Variants in ACSM3 observed in about 807,000 individuals in gnomAD.
ACSM3 encodes acyl-coenzyme A synthetase ACSM3, mitochondrial.
A neutral mutation model predicts 74.1 loss-of-function variants in ACSM3; 61 were observed. That is an observed-to-expected ratio of 0.82 (90% confidence interval 0.67 to 1.02). The LOEUF (loss-of-function observed/expected upper bound fraction) is 1.02. Ranked by LOEUF, ACSM3 falls within the 50% of genes least tolerant of loss-of-function variation. The pLI is 0.00. For synonymous variants in ACSM3, 213 were observed against 241.5 expected (o/e 0.88, Z 1.09); for missense variants, 660 against 697.0 (o/e 0.95, Z 0.60).
intron 12 of ACSM3, among the ~76,000 whole-genome samples, chr16:20,793,582 A>G (rs1259710670): frequency 6.6e-6 from 1 of 152,246 alleles, no homozygotes; most frequent in African/African-American, 2.4e-5. Context: ...CTTTGATGCC[A>G]GAAGATACCC....
intron 13 of ACSM3, 74 bp downstream of exon 13, chr16:20,796,563 T>C: frequency 6.3e-7 from 1 of 1,589,070 alleles, no homozygotes; most frequent in Non-Finnish European, 8.5e-7. Context: ...TACATTTTAA[T>C]GAATATTTTC....
chr16:20,705,373 A>C (rs1271880754), intron 1 of ACSM3, among the ~76,000 whole-genome samples: 1 of 116,778 alleles, frequency 8.6e-6, no homozygotes, highest in Non-Finnish European at 1.8e-5. Context: ...ACTCCGTCTC[A>C]GAAAAAAAAA....
intron 1 of ACSM3, among the ~76,000 whole-genome samples, chr16:20,691,778 T>C (rs2079655973): frequency 6.6e-6 from 1 of 150,910 alleles, no homozygotes; most frequent in Admixed American, 6.6e-5. Context: ...TGTGTGTGTG[T>C]GTGTGTGTGT....
intron 1 of ACSM3, chr16:20,735,121 T>C (rs1361611870): frequency 6.6e-6 from 1 of 152,038 alleles, no homozygotes; most frequent in Non-Finnish European, 1.5e-5. Context: ...TTAAGAAAAA[T>C]TTTTTTCCCC....
intron 1 of ACSM3, among the ~76,000 whole-genome samples, chr16:20,726,409 G>T (rs891422010): frequency 4.6e-5 from 7 of 152,234 alleles, no homozygotes; most frequent in Admixed American, 1.3e-4. Flanking sequence ...AAGAGGGAAA[G>T]TGCTATGCAA....
chr16:20,755,888 G>GT (rs1161878430), intron 3 of ACSM3, among the ~76,000 whole-genome samples: 2 of 147,882 alleles, frequency 1.4e-5, no homozygotes, highest in East Asian at 2.0e-4. Context: ...GCGGTGTTTG[G>GT]TTTTTTGTCC....
chr16:20,682,580 G>C, intron 1 of ACSM3: 4 of 714,670 alleles, frequency 5.6e-6, no homozygotes, highest in South Asian at 5.1e-5. Context: ...ACAGGCCACA[G>C]AACAACAGCA....
rs59655300 is a variant in ACSM3 at position 20,750,844 on chromosome 16, G to GTTTTTT, written c.-96+854_-96+859dup. Among the ~76,000 whole-genome samples the GTTTTTT allele has an allele frequency of 5.3e-3, 616 of 115,348 alleles. 51 individuals are homozygous for GTTTTTT. Among genetic ancestry groups the GTTTTTT allele is most frequent in the South Asian group, 0.026 (87 of 3,402 alleles). The allele number at this position is 115,348 out of a possible 152,430, so 75.7% of individuals were successfully genotyped here. On this transcript the variant is annotated intron_variant, in intron 2 of 3. Coordinates refer to the ACSM3 transcript ENST00000561584. ...GAGAGAATATAAGTTTTGGAGTCAG[G>GTTTTTT]TTTTTTTTTTTTTTTTTTGAAACGG...
chr16:20,717,008 A>C (rs1399597090), intron 1 of ACSM3, among the ~76,000 whole-genome samples: 1 of 152,228 alleles, frequency 6.6e-6, no homozygotes, highest in Non-Finnish European at 1.5e-5. Context: ...TATCTGACAA[A>C]TGAAAATACA....
upstream of ACSM3, among the ~76,000 whole-genome samples, chr16:20,760,152 A>G (rs115604270): frequency 4.6e-3 from 704 of 152,298 alleles, 5 homozygotes; most frequent in African/African-American, 0.016. Flanking sequence ...AAATGACTCT[A>G]GTACAGCATC....
intron 3 of ACSM3, among the ~76,000 whole-genome samples, chr16:20,776,544 A>G (rs1228074067): frequency 1.3e-5 from 2 of 152,334 alleles, no homozygotes; most frequent in East Asian, 1.9e-4. Flanking sequence ...AGGAAGATCT[A>G]TATATTTTTG....
At chr16:20,703,151 T>C (rs1411318032) in intron 1 of ACSM3, 2 of 152,222 alleles carry the variant, frequency 1.3e-5, no homozygotes, top group Non-Finnish European at 2.9e-5. Context: ...CTGAGGTCTC[T>C]GTTCTGTTCC....
At position 20,785,068 on chromosome 16, in the gene ACSM3, G is replaced by C. The variant is rs766197968; in HGVS notation, c.1104G>C (p.Thr368=). 1 of 1,613,562 alleles carries C rather than the reference G, an allele frequency of 6.2e-7. No homozygotes were observed. The highest frequency in any genetic ancestry group is 8.5e-7 in the Non-Finnish European group (1 of 1,179,704). Residue 368 remains threonine, a synonymous_variant, in exon 8 of 14, where the codon ACG becomes ACC. Transcript: ENST00000289416. ...PDVTEKWRNK[T]GLDIYEGYGQ... ...TGACTGAAAAATGGAGAAACAAGAC[G>C]GGCCTGGATATCTACGAAGGATATG...
upstream of ACSM3, among the ~76,000 whole-genome samples, chr16:20,761,722 A>T (rs1193798022): frequency 6.6e-6 from 1 of 152,196 alleles, no homozygotes; most frequent in Non-Finnish European, 1.5e-5. Flanking sequence ...CTCCTAAGAG[A>T]TAGAAAACAC....
intron 1 of ACSM3, among the ~76,000 whole-genome samples, chr16:20,743,218 G>A (rs1415098870): frequency 1.3e-5 from 2 of 152,186 alleles, no homozygotes; most frequent in African/African-American, 2.4e-5. Context: ...GATTACAGGC[G>A]TGAGCCACCG....
rs150421706 is a variant in ACSM3, at chr16:20,676,650, T to C, written c.-190+1828T>C. ...AGAGGCTTAACAAAGGCTAATTTAC[T>C]AGCAGCAGCCCTTATGGGAAGAGAA... On this transcript the variant is annotated intron_variant, in intron 1 of 3. Transcript: ENST00000561584. Among the ~76,000 whole-genome samples, 42 of 152,240 alleles carry C rather than the reference T, an allele frequency of 2.8e-4. 1 individual carries two copies. Among genetic ancestry groups the C allele is most frequent in the African/African-American group, 1.0e-3 (42 of 41,536 alleles).
chr16:20,710,847 G>A (rs186038379), intron 1 of ACSM3, among the ~76,000 whole-genome samples: 1 of 152,252 alleles, frequency 6.6e-6, no homozygotes, highest in East Asian at 1.9e-4. Flanking sequence ...CACTTTGGGA[G>A]GCCTAGGCAG....
At chr16:20,677,929 G>A (rs1251418962) in intron 1 of ACSM3, among the ~76,000 whole-genome samples, 1 of 152,014 alleles carries the variant, frequency 6.6e-6, no homozygotes, top group Admixed American at 6.6e-5. Flanking sequence ...AAATTCTACA[G>A]CTCTTAAATG....
chr16:20,705,810 A>C (rs1248051759), intron 1 of ACSM3, among the ~76,000 whole-genome samples: 1 of 152,220 alleles, frequency 6.6e-6, no homozygotes, highest in Non-Finnish European at 1.5e-5. Context: ...TTTCAATAAC[A>C]GTGCTACAGC....
Sources: allele counts gnomAD v4.1 joint callset (sites outside exome capture counted in the v4.1 genomes callset), GRCh38; gene constraint gnomAD v4.1.1; transcripts MANE v1.5; gene names NCBI Gene and HGNC (gene_info 2026-07-23, HGNC 2026-07-21).